The following CFAP299 variants were observed in gnomAD, a reference collection of about 807,000 sequenced individuals.
CFAP299 encodes cilia and flagella associated protein 299.
CFAP299 carries 21 observed loss-of-function variants against 27.0 expected under a neutral mutation model. The observed-to-expected ratio is 0.78, with a 90% CI of 0.55 to 1.12. The LOEUF is 1.12. CFAP299 is among the 50% of genes most tolerant of loss of function. CFAP299 has a pLI of 0.00. For missense variants in CFAP299, 310 were observed against 276.6 expected, an observed-to-expected ratio of 1.12 and a Z score of -0.86; for synonymous variants, 104 against 98.1, an observed-to-expected ratio of 1.06 and a Z score of -0.36.
chr4:80,836,262 A>T, intron 3 of CFAP299, among the ~76,000 whole-genome samples: 1 of 152,324 alleles, frequency 6.6e-6, no homozygotes, highest in South Asian at 2.1e-4. Context: ...TTCATACTGT[A>T]TTGCTTTCTA....
At chr4:80,579,942 A>G (rs1263284099) in intron 2 of CFAP299, among the ~76,000 whole-genome samples, 1 of 152,118 alleles carries the variant, frequency 6.6e-6, no homozygotes, top group Non-Finnish European at 1.5e-5. Context: ...CTAAAAATTT[A>G]CAGCAAAATA....
intron 2 of CFAP299, among the ~76,000 whole-genome samples, chr4:80,519,207 T>C (rs990092862): frequency 1.4e-4 from 22 of 152,202 alleles, no homozygotes; most frequent in African/African-American, 5.1e-4. Context: ...TATGTGTGTG[T>C]GTGTGTGCAT....
At chr4:80,896,660 C>T (rs558745323) in intron 4 of CFAP299, among the ~76,000 whole-genome samples, 1 of 152,208 alleles carries the variant, frequency 6.6e-6, no homozygotes, top group African/African-American at 2.4e-5. Flanking sequence ...TTTTTCTCTG[C>T]TTCCATATGT....
intron 4 of CFAP299, among the ~76,000 whole-genome samples, chr4:80,904,874 C>G (rs1735104493): frequency 6.6e-6 from 1 of 152,180 alleles, no homozygotes; most frequent in Admixed American, 6.5e-5. Context: ...AAGCAGCAAA[C>G]ATGTGTCCTA....
chr4:80,734,268 TTGAG>T (rs1723716322), intron 3 of CFAP299, among the ~76,000 whole-genome samples: 1 of 152,172 alleles, frequency 6.6e-6, no homozygotes, highest in African/African-American at 2.4e-5. Context: ...ATGACTTCTT[TTGAG>T]AAATGTCTAT....
At chr4:80,739,042 A>G (rs1300339557) in intron 3 of CFAP299, among the ~76,000 whole-genome samples, 2 of 152,082 alleles carry the variant, frequency 1.3e-5, no homozygotes, top group Admixed American at 1.3e-4. Context: ...AAGCTGATAA[A>G]ACTCTATACT....
chr4:80,725,111 A>ATTTTTTTTTTT lies in CFAP299; in HGVS notation c.333+141943_333+141953dup, dbSNP rs70956062. ...AGGCATGCACCACCATGCCTGGCCA[A>ATTTTTTTTTTT]TTTTTTTTTTTTTTTTTTTTTTTTT... On this transcript the variant is annotated intron_variant, in intron 3 of 5. Transcript: ENST00000358105. Among the ~76,000 whole-genome samples the ATTTTTTTTTTT allele has an allele frequency of 1.9e-4, 17 of 88,538 alleles. 1 individual carries two copies. Among genetic ancestry groups the ATTTTTTTTTTT allele is most frequent in the Admixed American group, 7.2e-4 (5 of 6,912 alleles). 58.1% of individuals were successfully genotyped at this position (88,538 alleles called of 152,430 possible).
intron 4 of CFAP299, among the ~76,000 whole-genome samples, chr4:80,919,391 G>A (rs1578238392): frequency 6.6e-6 from 1 of 152,114 alleles, no homozygotes; most frequent in Non-Finnish European, 1.5e-5. Flanking sequence ...TTAGCCTCTG[G>A]TCATAATCAT....
In CFAP299 at chr4:80,340,240, G is replaced by A. The variant is rs1722377048; in HGVS notation, c.111+4361G>A. ...CTCATTCCCAGCCAAAGGAAGCTGT[G>A]AGTGATTGTGCAACCCTGCCTTGGA... On this transcript the variant is annotated intron_variant, in intron 1 of 5. Transcript: ENST00000358105. Among the ~76,000 whole-genome samples, 4 of 152,290 alleles carry A rather than the reference G, an allele frequency of 2.6e-5. No homozygotes were observed. The South Asian group carries it at 8.3e-4, about 32-fold the overall frequency.
Position 80,824,022 on chromosome 4 carries a change from T to C in CFAP299, c.334-45971T>C, listed in dbSNP as rs185180589. ...TCCCATAAAACTTTTATTGATACAA[T>C]GTGTTGTGCCTCATTTGATATTTAT... On this transcript the variant is annotated intron_variant, in intron 3 of 5. Coordinates refer to ENST00000358105, the MANE Select transcript of CFAP299 (RefSeq NM_152770.3). Among the ~76,000 whole-genome samples, 12 of 152,262 alleles carry C rather than the reference T, an allele frequency of 7.9e-5. 1 individual carries two copies. Among genetic ancestry groups the C allele is most frequent in the Admixed American group, 2.0e-4 (3 of 15,286 alleles).
intron 2 of CFAP299, among the ~76,000 whole-genome samples, chr4:80,484,804 A>AT (rs1730728176): frequency 6.6e-6 from 1 of 152,136 alleles, no homozygotes; most frequent in African/African-American, 2.4e-5. Flanking sequence ...CCACTTTTTA[A>AT]TTTTTTATAG....
intron 1 of CFAP299, among the ~76,000 whole-genome samples, chr4:80,348,712 TC>T (rs1420295738): frequency 6.6e-6 from 1 of 152,188 alleles, no homozygotes; most frequent in African/African-American, 2.4e-5. Flanking sequence ...AAAATAAATT[TC>T]TGTGATTTGA....
At chr4:80,712,965 C>G (rs1430937492) in intron 3 of CFAP299, among the ~76,000 whole-genome samples, 1 of 152,042 alleles carries the variant, frequency 6.6e-6, no homozygotes, top group African/African-American at 2.4e-5. Context: ...TTCATTCATT[C>G]ATTTTTTGAG....
At chr4:80,677,796 C>T (rs1333482730) in intron 3 of CFAP299, among the ~76,000 whole-genome samples, 1 of 151,950 alleles carries the variant, frequency 6.6e-6, no homozygotes, top group African/African-American at 2.4e-5. Flanking sequence ...TTATAGCAGA[C>T]ACAAGAGTTA....
chr4:80,439,179 C>A (rs1318836542), intron 2 of CFAP299, among the ~76,000 whole-genome samples: 1 of 152,044 alleles, frequency 6.6e-6, no homozygotes, highest in Non-Finnish European at 1.5e-5. Flanking sequence ...AAATTGAGAA[C>A]AATATTAAGT....
At chr4:80,861,426 G>C (rs1028155729) in intron 3 of CFAP299, among the ~76,000 whole-genome samples, 3 of 152,126 alleles carry the variant, frequency 2.0e-5, no homozygotes, top group African/African-American at 7.2e-5. Flanking sequence ...ACTGACCTGT[G>C]CCCACTGTCT....
intron 2 of CFAP299, among the ~76,000 whole-genome samples, chr4:80,525,141 T>C (rs1733107654): frequency 6.6e-6 from 1 of 152,196 alleles, no homozygotes; most frequent in Admixed American, 6.6e-5. Flanking sequence ...TCTGTTTTTC[T>C]AAGACAGAAT....
chr4:80,549,677 T>C (rs1011767300), intron 2 of CFAP299, among the ~76,000 whole-genome samples: 1 of 152,134 alleles, frequency 6.6e-6, no homozygotes, highest in Non-Finnish European at 1.5e-5. Context: ...GAACATACTT[T>C]GTGAGTTGCT....
At chr4:80,620,115 A>G (rs1400008105) in intron 3 of CFAP299, among the ~76,000 whole-genome samples, 1 of 152,118 alleles carries the variant, frequency 6.6e-6, no homozygotes, top group Non-Finnish European at 1.5e-5. Context: ...TATTTTCATG[A>G]GTTAAATGTA....
Sources: allele counts gnomAD v4.1 joint callset (sites outside exome capture counted in the v4.1 genomes callset), GRCh38; gene constraint gnomAD v4.1.1; transcripts MANE v1.5; gene names NCBI Gene and HGNC (gene_info 2026-07-23, HGNC 2026-07-21).